ANK3: variants seen among roughly 807,000 people sequenced by gnomAD.
ANK3 encodes ankyrin 3.
Under a neutral mutation model 370.9 loss-of-function variants are expected in ANK3, and 57 were observed. That is an observed-to-expected ratio of 0.15 (90% confidence interval 0.12 to 0.19). ANK3 has a LOEUF of 0.19. Among genes scored for constraint, ANK3 ranks in the 10% least tolerant of loss-of-function variants. The pLI is 1.00. For missense variants in ANK3, 4,439 were observed against 5,302.1 expected (o/e 0.84, Z 5.06); for synonymous variants, 1,929 against 1,946.3 (o/e 0.99, Z 0.23).
intron 1 of ANK3, among the ~76,000 whole-genome samples, chr10:60,316,621 T>C (rs2047473385): frequency 6.6e-6 from 1 of 152,240 alleles, no homozygotes; most frequent in South Asian, 2.1e-4. Context: ...TCCATTGTTA[T>C]TGTTTACAAA....
intron 1 of ANK3, among the ~76,000 whole-genome samples, chr10:60,327,812 C>G (rs2050255329): frequency 6.6e-6 from 1 of 152,208 alleles, no homozygotes. Context: ...TAGGGCCACT[C>G]ATTGGACTTT....
rs1329295963 is a variant in ANK3, at chr10:60,086,760, A to G, written c.3665T>C (p.Val1222Ala). The G allele has an allele frequency of 6.2e-7, 1 of 1,613,958 alleles. No homozygotes were observed. The highest frequency in any genetic ancestry group is 1.7e-5 in the Admixed American group (1 of 60,008). ...TACACCTTCTCCTGAGGGCGGGGGCACCGGAATGGTCATTGTGATTGGTTT... is the reference window on the plus strand; with the variant it reads ...TACACCTTCTCCTGAGGGCGGGGGCGCCGGAATGGTCATTGTGATTGGTTT... ...FHKPITMTIP[V>A]PPPSGEGVSN... Residue 1222 changes from valine to alanine, a missense_variant, in exon 30 of 44, where the codon GTG (valine) becomes GCG (alanine). Physicochemically the swap from Val to Ala is moderately conservative, Grantham distance 64. This residue lies in a region of ANK3 where 702 missense variants were observed against 941.5 expected (regional missense o/e 0.75). Coordinates refer to ENST00000280772, the MANE Select transcript of ANK3 (RefSeq NM_020987.5).
intron 2 of ANK3, among the ~76,000 whole-genome samples, chr10:60,504,982 A>C (rs2075896917): frequency 6.6e-6 from 1 of 152,064 alleles, no homozygotes; most frequent in African/African-American, 2.4e-5. Flanking sequence ...TAACTTTTCT[A>C]TGTGTGAATA....
intron 7 of ANK3, among the ~76,000 whole-genome samples, chr10:60,251,146 AC>A (rs1489895001): frequency 6.6e-6 from 1 of 152,190 alleles, no homozygotes. Flanking sequence ...TGTACCTGGC[AC>A]CCAGTGATAC....
chr10:60,395,572 CTTTCTTT>C (rs2063208140), intron 2 of ANK3, among the ~76,000 whole-genome samples: 1 of 112,714 alleles, frequency 8.9e-6, no homozygotes, highest in Non-Finnish European at 1.9e-5. Context: ...TTCTTTCTTT[CTTTCTTT>C]CTTTCTTTCT....
chr10:60,408,449 T>C (rs935366563), intron 2 of ANK3, among the ~76,000 whole-genome samples: 1 of 152,170 alleles, frequency 6.6e-6, no homozygotes, highest in Non-Finnish European at 1.5e-5. Flanking sequence ...TCCAGCCATG[T>C]GAAGATGCTC....
At chr10:60,050,383 T>A (rs576791471) in intron 42 of ANK3, among the ~76,000 whole-genome samples, 3 of 152,300 alleles carry the variant, frequency 2.0e-5, no homozygotes, top group Admixed American at 2.0e-4. Context: ...AAAACTGTAT[T>A]AGGGCAGATT....
At position 60,495,068 on chromosome 10, in the gene ANK3, G is replaced by A. The variant is rs1203617093; in HGVS notation, c.96+120118C>T. 7.9e-5 allele frequency among the ~76,000 whole-genome samples: 12 copies of A among 152,154 alleles called. 1 individual carries two copies. The South Asian group carries it at 2.5e-3, about 32-fold the overall frequency. ...GTCATCGCTCATCACTCATTCTTTTGTAAAAAAGAGAAACTCTACCTCCTT... is the reference window on the plus strand; with the variant it reads ...GTCATCGCTCATCACTCATTCTTTTATAAAAAAGAGAAACTCTACCTCCTT... On this transcript the variant is annotated intron_variant, in intron 2 of 43. Coordinates refer to the ANK3 transcript ENST00000373827.
chr10:60,167,047 C>T, intron 21 of ANK3, 151 bp from the exon 22 acceptor site: 4 of 697,934 alleles, frequency 5.7e-6, no homozygotes, highest in South Asian at 1.9e-5. Context: ...AAATTGTTGT[C>T]CCTTAGTGTC....
At chr10:60,526,830 T>C (rs1257056226) in intron 2 of ANK3, among the ~76,000 whole-genome samples, 2 of 152,122 alleles carry the variant, frequency 1.3e-5, no homozygotes, top group Admixed American at 6.6e-5. Flanking sequence ...TTAATGCTCA[T>C]AGAGAAAACA....
At chr10:60,378,379 G>A (rs950550574) in intron 1 of ANK3, among the ~76,000 whole-genome samples, 13 of 152,030 alleles carry the variant, frequency 8.6e-5, no homozygotes, top group Admixed American at 7.9e-4. Flanking sequence ...AAAATAAAAG[G>A]TGCTGGCAAA....
intron 2 of ANK3, among the ~76,000 whole-genome samples, chr10:60,396,730 G>A (rs1381692170): frequency 6.6e-6 from 1 of 152,012 alleles, no homozygotes; most frequent in African/African-American, 2.4e-5. Context: ...ATTTAAGCTG[G>A]CCAAAAGGAA....
intron 2 of ANK3, among the ~76,000 whole-genome samples, chr10:60,609,475 G>A (rs1171213690): frequency 1.3e-5 from 2 of 152,016 alleles, no homozygotes; most frequent in African/African-American, 4.8e-5. Flanking sequence ...TGTGACAATA[G>A]ATGTAGATGT....
At chr10:60,250,686 G>C (rs981588867) in intron 7 of ANK3, among the ~76,000 whole-genome samples, 4 of 152,098 alleles carry the variant, frequency 2.6e-5, no homozygotes, top group African/African-American at 9.7e-5. Context: ...TTTAAACTAA[G>C]GGGACCTCAC....
chr10:60,072,884 G>C lies in ANK3; in HGVS notation c.7997C>G (p.Ala2666Gly). The C allele has an allele frequency of 6.2e-7, 1 of 1,614,068 alleles. No homozygotes were observed. Among genetic ancestry groups the C allele is most frequent in the South Asian group, 1.1e-5 (1 of 91,078 alleles). Residue 2666 changes from alanine (A) to glycine (G), a missense_variant, in exon 37 of 44, where the codon GCA becomes GGA. Ala to Gly is a moderately conservative substitution (Grantham distance 60). Transcript: ENST00000280772. The stretch of plus-strand genomic sequence containing the variant: ...CTCTGGGCTGCTGGGCAGACTGGGT[G>C]CCTTCTCCTCGGCCTTGGGGAAGCC... The part of the protein sequence containing the change: ...GQGFPKAEEK[A>G]PSLPSSPEKM...
intron 8 of ANK3, among the ~76,000 whole-genome samples, chr10:60,229,051 C>A (rs1276570522): frequency 1.3e-5 from 2 of 152,188 alleles, no homozygotes; most frequent in Non-Finnish European, 2.9e-5. Flanking sequence ...GATGCTCCCT[C>A]CATGTTCTCA....
At chr10:60,384,113 A>G (rs536370862) in intron 1 of ANK3, among the ~76,000 whole-genome samples, 21 of 152,292 alleles carry the variant, frequency 1.4e-4, no homozygotes, top group Admixed American at 7.2e-4. Flanking sequence ...AAAAATGGAG[A>G]TGAAAATAAT....
intron 1 of ANK3, among the ~76,000 whole-genome samples, chr10:60,357,893 C>T (rs1469061476): frequency 6.6e-6 from 1 of 152,118 alleles, no homozygotes; most frequent in African/African-American, 2.4e-5. Flanking sequence ...ATGGCAGAAG[C>T]ATCCCTGCCT....
At chr10:60,175,902 A>G (rs1477541624) in intron 18 of ANK3, among the ~76,000 whole-genome samples, 2 of 152,236 alleles carry the variant, frequency 1.3e-5, no homozygotes, top group East Asian at 1.9e-4. Flanking sequence ...TGTCATAAGG[A>G]TTAACTGTTA....
Sources: allele counts gnomAD v4.1 joint callset (sites outside exome capture counted in the v4.1 genomes callset), GRCh38; gene constraint gnomAD v4.1.1; regional missense constraint gnomAD v4.1.1; transcripts MANE v1.5; gene names NCBI Gene and HGNC (gene_info 2026-07-23, HGNC 2026-07-21).